Variants in TCP11L2 observed in about 807,000 individuals in gnomAD.
TCP11L2 encodes the protein T-complex protein 11-like protein 2.
In TCP11L2, 39 loss-of-function variants were observed where a neutral mutation model predicts 50.7. The observed-to-expected ratio is 0.77, with a 90% CI of 0.60 to 1.01. The LOEUF (loss-of-function observed/expected upper bound fraction) is 1.01, where lower values mean the gene tolerates loss of function less well. Ranked by LOEUF, TCP11L2 falls within the 50% of genes least tolerant of loss-of-function variation. TCP11L2 has a pLI of 0.00. For missense variants in TCP11L2, 612 were observed against 614.7 expected, an observed-to-expected ratio of 1.00 and a Z score of 0.05; for synonymous variants, 192 against 219.3, an observed-to-expected ratio of 0.88 and a Z score of 1.10.
chr12:106,341,196 A>C (rs2136828136), intron 9 of TCP11L2, among the ~76,000 whole-genome samples, 198 bp downstream of exon 9: 1 of 152,280 alleles, frequency 6.6e-6, no homozygotes, highest in Middle Eastern at 3.4e-3. Flanking sequence ...GAGTTGGGGG[A>C]TGTTTCAGGG....
At chr12:106,329,383 A>G (rs1209250478) in intron 6 of TCP11L2, 1 of 1,535,994 alleles carries the variant, frequency 6.5e-7, no homozygotes, top group Non-Finnish European at 8.7e-7. Context: ...TTGGAACCAG[A>G]GAGAGCAGTC....
At chr12:106,313,582 A>AAAAAAAAT (rs140565830) in intron 2 of TCP11L2, among the ~76,000 whole-genome samples, 21 of 139,390 alleles carry the variant, frequency 1.5e-4, no homozygotes, top group Admixed American at 5.0e-4. Flanking sequence ...CCATCTCAAA[A>AAAAAAAAT]AAATAAATAA....
intron 8 of TCP11L2, among the ~76,000 whole-genome samples, chr12:106,339,734 G>A (rs1167486155): frequency 6.6e-6 from 1 of 152,152 alleles, no homozygotes; most frequent in South Asian, 2.1e-4. Flanking sequence ...TTAAAAGCAA[G>A]AAAAATCTAG....
chr12:106,300,661 G>A (rs1483465383), upstream of TCP11L2, among the ~76,000 whole-genome samples: 4 of 152,164 alleles, frequency 2.6e-5, no homozygotes, highest in East Asian at 7.7e-4. Flanking sequence ...TCAGGCCAAG[G>A]GCAGTTGGTC....
rs1486404758 is a variant in TCP11L2, at chr12:106,346,349, C to T, written c.1379C>T (p.Pro460Leu). The change falls in exon 10 of 10, where the codon CCT becomes CTT. Residue 460 changes from proline (P) to leucine (L), a missense_variant. Coordinates refer to ENST00000299045, the MANE Select transcript of TCP11L2 (RefSeq NM_152772.3). ...CTTCCAAGCCCTCAAAAATGCATGCCTCCTATGCCAGGAGGCCTAGCTGTC... is the reference window on the plus strand; with the variant it reads ...CTTCCAAGCCCTCAAAAATGCATGCTTCCTATGCCAGGAGGCCTAGCTGTC... ...LCLPSPQKCMPPMPGGLAVIQ... is the reference protein window; with the variant it reads ...LCLPSPQKCMLPMPGGLAVIQ... 3.7e-6 allele frequency: 6 copies of T among 1,614,088 alleles called. No homozygotes were observed. Among genetic ancestry groups the T allele is most frequent in the Non-Finnish European group, 4.2e-6 (5 of 1,179,982 alleles).
At chr12:106,303,380 T>G (rs2034499240) in intron 1 of TCP11L2, 1 of 152,392 alleles carries the variant, frequency 6.6e-6, no homozygotes, top group African/African-American at 2.4e-5. Flanking sequence ...TGTTTGGGAT[T>G]TGTTGCCGTG....
chr12:106,323,281 T>G (rs2035407524), intron 5 of TCP11L2, among the ~76,000 whole-genome samples: 1 of 152,184 alleles, frequency 6.6e-6, no homozygotes. Context: ...TTTTCTTATA[T>G]CATTAAGATT....
At chr12:106,320,423 A>G (rs1310353818) in intron 4 of TCP11L2, among the ~76,000 whole-genome samples, 8 of 152,182 alleles carry the variant, frequency 5.3e-5, no homozygotes, top group Admixed American at 3.9e-4. Context: ...AAAAGAAAGA[A>G]AAAAGATAGA....
intron 3 of TCP11L2, among the ~76,000 whole-genome samples, chr12:106,317,625 C>T (rs867967751): frequency 6.6e-6 from 1 of 152,234 alleles, no homozygotes; most frequent in Non-Finnish European, 1.5e-5. Context: ...TAAGTACCTA[C>T]CTGGAGGACT....
rs768002351 is a variant in TCP11L2 at position 106,311,167 on chromosome 12, G to C, written c.92G>C (p.Ser31Thr). Residue 31 changes from serine to threonine, a missense_variant, in exon 2 of 10, where the codon AGT becomes ACT. Physicochemically the swap from Ser to Thr is moderately conservative, Grantham distance 58 (BLOSUM62 1). Transcript: ENST00000299045. ...SRFSESMASL[S>T]DYECSRQSFA... ...TTTTCCGAAAGCATGGCTTCGCTCA[G>C]TGACTATGAATGCTCCAGGCAGAGC... The C allele has an allele frequency of 3.7e-6, 6 of 1,614,102 alleles. No homozygotes were observed. Among genetic ancestry groups the C allele is most frequent in the Non-Finnish European group, 5.1e-6 (6 of 1,180,054 alleles).
chr12:106,323,055 T>G (rs1192328663), intron 5 of TCP11L2, among the ~76,000 whole-genome samples: 1 of 152,230 alleles, frequency 6.6e-6, no homozygotes, highest in African/African-American at 2.4e-5. Context: ...GAGACTGATT[T>G]ACTTGTGTAT....
upstream of TCP11L2, among the ~76,000 whole-genome samples, chr12:106,302,345 C>CCCGCTCAGCCT: frequency 8.5e-6 from 1 of 118,288 alleles, no homozygotes; most frequent in African/African-American, 3.6e-5. Flanking sequence ...CCGCTCAGCC[C>CCCGCTCAGCCT]CCGCTCAGCC....
intron 6 of TCP11L2, among the ~76,000 whole-genome samples, chr12:106,328,923 G>A (rs28669886): frequency 0.36 from 54,358 of 151,980 alleles, 10,229 homozygotes; most frequent in African/African-American, 0.45. Context: ...GGAAGGAGTC[G>A]GCTCTGCTGG....
At chr12:106,333,845 G>A (rs2035824683) in intron 6 of TCP11L2, among the ~76,000 whole-genome samples, 1 of 152,166 alleles carries the variant, frequency 6.6e-6, no homozygotes. Flanking sequence ...GTTCTGTACT[G>A]GGCATCTCTG....
chr12:106,303,405 C>T (rs1255075117), intron 1 of TCP11L2: 2 of 152,368 alleles, frequency 1.3e-5, no homozygotes, highest in African/African-American at 4.8e-5. Context: ...CCCCGGCACT[C>T]AGCTCTGCCT....
At chr12:106,312,286 T>C (rs1370119474) in intron 2 of TCP11L2, 4 of 396,742 alleles carry the variant, frequency 1.0e-5, no homozygotes, top group Non-Finnish European at 1.8e-5. Context: ...TTTGCTGTTA[T>C]AAATAGTGCT....
At chr12:106,316,296 A>T (rs1017292478) in intron 3 of TCP11L2, among the ~76,000 whole-genome samples, 4 of 152,186 alleles carry the variant, frequency 2.6e-5, no homozygotes, top group Non-Finnish European at 5.9e-5. Context: ...GCTATATTAG[A>T]TGATTTCTTT....
Position 106,314,566 on chromosome 12 carries a change from TGTGTGTGTGTGAGAGA to T in TCP11L2, c.293+75_293+90del. On this transcript the variant is annotated intron_variant, in intron 3 of 9. Transcript: ENST00000299045. ...GTGTGTGTGTGTGTGTGTGTGTGTG[TGTGTGTGTGTGAGAGA>T]GAGAGAGAGAGAGAGAGAGACAGAG... The T allele has an allele frequency of 3.0e-6, 3 of 994,146 alleles. No homozygotes were observed. The African/African-American group carries it at 6.5e-5, about 22-fold the overall frequency. 61.6% of individuals were successfully genotyped at this position (994,146 alleles called of 1,614,324 possible). A position where few individuals can be genotyped will look rare whatever the true frequency, so the allele number is the denominator to read the frequency against.
At chr12:106,329,734 C>A in intron 6 of TCP11L2, 1 of 1,046,146 alleles carries the variant, frequency 9.6e-7, no homozygotes, top group East Asian at 7.7e-5. Flanking sequence ...ATTAAACTTG[C>A]AGTATAAATG....
Sources: allele counts gnomAD v4.1 joint callset (sites outside exome capture counted in the v4.1 genomes callset), GRCh38; gene constraint gnomAD v4.1.1; transcripts MANE v1.5; gene names NCBI Gene and HGNC (gene_info 2026-07-23, HGNC 2026-07-21).